Variants in SEMA5A observed in about 807,000 individuals in gnomAD.
The protein encoded by SEMA5A is semaphorin-5A.
SEMA5A carries 55 observed loss-of-function variants against 135.5 expected under a neutral mutation model. The observed-to-expected ratio is 0.41, with a 90% confidence interval of 0.33 to 0.51. The LOEUF (loss-of-function observed/expected upper bound fraction) is 0.51. Ranked by LOEUF, SEMA5A falls within the 20% of genes least tolerant of loss-of-function variation. The pLI, the probability that SEMA5A is intolerant of heterozygous loss-of-function variation, is 0.37. For missense variants in SEMA5A, 1,290 were observed against 1,419.9 expected (o/e 0.91, Z 1.47); for synonymous variants, 580 against 546.5 (o/e 1.06, Z -0.85).
intron 11 of SEMA5A, among the ~76,000 whole-genome samples, chr5:9,178,618 C>T (rs542639352): frequency 1.3e-5 from 2 of 152,196 alleles, no homozygotes; most frequent in African/African-American, 4.8e-5. Flanking sequence ...CATGAGCCAC[C>T]GCGCCCAGCC....
At chr5:9,351,081 T>A (rs1288008729) in intron 3 of SEMA5A, among the ~76,000 whole-genome samples, 1 of 152,206 alleles carries the variant, frequency 6.6e-6, no homozygotes, top group East Asian at 1.9e-4. Flanking sequence ...GAAATCACTG[T>A]CTCACTTTAT....
chr5:9,363,619 C>A (rs966386555), intron 3 of SEMA5A, among the ~76,000 whole-genome samples: 7 of 152,158 alleles, frequency 4.6e-5, no homozygotes, highest in Non-Finnish European at 8.8e-5. Context: ...TGGGAGATAT[C>A]CTTCTCTCAC....
chr5:9,459,268 T>G (rs1758965349), intron 1 of SEMA5A, among the ~76,000 whole-genome samples: 2 of 152,182 alleles, frequency 1.3e-5, no homozygotes. Flanking sequence ...CCCTTGAGGG[T>G]AGGTGGGACC....
chr5:9,091,470 CGAG>C (rs967803464), intron 16 of SEMA5A, among the ~76,000 whole-genome samples: 1 of 152,024 alleles, frequency 6.6e-6, no homozygotes, highest in African/African-American at 2.4e-5. Flanking sequence ...TATGTGCACC[CGAG>C]GAGAAGCCTG....
At chr5:9,394,495 C>G (rs1271513577) in intron 2 of SEMA5A, among the ~76,000 whole-genome samples, 3 of 152,152 alleles carry the variant, frequency 2.0e-5, no homozygotes, top group African/African-American at 7.2e-5. Flanking sequence ...CTGCTTGTTA[C>G]TGTGGCCACT....
At chr5:9,243,851 G>A (rs1051436223) in intron 5 of SEMA5A, among the ~76,000 whole-genome samples, 1 of 152,172 alleles carries the variant, frequency 6.6e-6, no homozygotes, top group Non-Finnish European at 1.5e-5. Context: ...GCCAAATTAA[G>A]TGCCCCTTCT....
chr5:9,103,145 C>T (rs373007482), intron 16 of SEMA5A, among the ~76,000 whole-genome samples: 13 of 152,100 alleles, frequency 8.5e-5, no homozygotes, highest in Admixed American at 3.9e-4. Context: ...AGACCTGGAC[C>T]GGGGGTCTTG....
intron 18 of SEMA5A, among the ~76,000 whole-genome samples, chr5:9,059,370 T>G (rs1737061141): frequency 6.6e-6 from 1 of 152,184 alleles, no homozygotes; most frequent in Non-Finnish European, 1.5e-5. Flanking sequence ...TATTTCTCAA[T>G]GCTGGCGTAA....
chr5:9,325,630 G>C (rs913758405), intron 4 of SEMA5A, among the ~76,000 whole-genome samples: 1 of 151,990 alleles, frequency 6.6e-6, no homozygotes, highest in Non-Finnish European at 1.5e-5. Flanking sequence ...TTCATGTAAA[G>C]TAGTAAAATG....
At chr5:9,337,941 T>C in intron 3 of SEMA5A, 129 bp from the exon 4 acceptor site, 1 of 610,668 alleles carries the variant, frequency 1.6e-6, no homozygotes, top group Non-Finnish European at 2.7e-6. Flanking sequence ...CTATGCCATC[T>C]TTCAGAGGCC....
intron 13 of SEMA5A, among the ~76,000 whole-genome samples, chr5:9,127,009 A>T (rs767545898): frequency 5.9e-5 from 9 of 152,182 alleles, no homozygotes; most frequent in Non-Finnish European, 1.2e-4. Flanking sequence ...CATTGTGAAT[A>T]CAGTTTCAAT....
chr5:9,085,474 A>C lies in SEMA5A; in HGVS notation c.2074-18828T>G, dbSNP rs770947993. On this transcript the variant is annotated intron_variant, in intron 16 of 22. Coordinates refer to ENST00000382496, the MANE Select transcript of SEMA5A (RefSeq NM_003966.3). Reference sequence around the variant, plus strand: ...CTCTAGCCATGGCTGAAAGGGGCCAACATAGAGCTCAGTCTGTGGCTGCAG... The same window carrying C: ...CTCTAGCCATGGCTGAAAGGGGCCACCATAGAGCTCAGTCTGTGGCTGCAG... Among the ~76,000 whole-genome samples the C allele has an allele frequency of 1.1e-4, 16 of 152,330 alleles. No homozygotes were observed. The East Asian group carries it at 1.9e-3, about 18-fold the overall frequency.
At chr5:9,105,414 C>A (rs1739858281) in intron 16 of SEMA5A, among the ~76,000 whole-genome samples, 1 of 152,160 alleles carries the variant, frequency 6.6e-6, no homozygotes, top group Non-Finnish European at 1.5e-5. Context: ...TTGAAATAAT[C>A]AATTCTTTCT....
At chr5:9,192,764 T>C (rs964123261) in intron 10 of SEMA5A, among the ~76,000 whole-genome samples, 3 of 152,162 alleles carry the variant, frequency 2.0e-5, no homozygotes, top group Non-Finnish European at 2.9e-5. Flanking sequence ...CGTGTGGTGG[T>C]TTACATTCCT....
At chr5:9,196,929 G>T (rs1050994905) in intron 10 of SEMA5A, among the ~76,000 whole-genome samples, 1 of 152,102 alleles carries the variant, frequency 6.6e-6, no homozygotes, top group Non-Finnish European at 1.5e-5. Flanking sequence ...GCCTTTTTCC[G>T]CCCAGTCTCA....
At position 9,361,935 on chromosome 5, in the gene SEMA5A, T is replaced by C. The variant is rs111467249; in HGVS notation, c.124+17888A>G. Among the ~76,000 whole-genome samples the C allele has an allele frequency of 4.0e-3, 616 of 152,276 alleles. 6 individuals are homozygous for C. The highest frequency in any genetic ancestry group is 0.014 in the African/African-American group (585 of 41,544). ...AGAACACTGCCATGGGCATGAACAC[T>C]AGAGGGCGCTCTCAAACTCGAAGAT... On this transcript the variant is annotated intron_variant, in intron 3 of 22. Coordinates refer to ENST00000382496, the MANE Select transcript of SEMA5A (RefSeq NM_003966.3).
intron 1 of SEMA5A, among the ~76,000 whole-genome samples, chr5:9,523,498 CAAACAATT>C (rs1194376851): frequency 6.6e-6 from 1 of 152,128 alleles, no homozygotes; most frequent in Non-Finnish European, 1.5e-5. Context: ...TTCAAAAAGC[CAAACAATT>C]AAACATATTC....
intron 1 of SEMA5A, among the ~76,000 whole-genome samples, chr5:9,516,027 A>G (rs893462439): frequency 6.6e-6 from 1 of 152,234 alleles, no homozygotes; most frequent in South Asian, 2.1e-4. Context: ...ATCTCTTTTT[A>G]TTGAACGAAA....
intron 8 of SEMA5A, among the ~76,000 whole-genome samples, chr5:9,217,864 G>A (rs1746720629): frequency 6.6e-6 from 1 of 151,862 alleles, no homozygotes; most frequent in Admixed American, 6.6e-5. Flanking sequence ...TTTTTATATG[G>A]GCTATTCCTT....
Sources: allele counts gnomAD v4.1 joint callset (sites outside exome capture counted in the v4.1 genomes callset), GRCh38; gene constraint gnomAD v4.1.1; transcripts MANE v1.5; gene names NCBI Gene and HGNC (gene_info 2026-07-23, HGNC 2026-07-21).